CCDC57: variants seen among roughly 807,000 people sequenced by gnomAD.
CCDC57 encodes coiled-coil domain-containing protein 57.
Under a neutral mutation model 118.9 loss-of-function variants are expected in CCDC57, and 118 were observed. That is an observed-to-expected ratio of 0.99 (90% CI 0.86 to 1.16). The LOEUF (loss-of-function observed/expected upper bound fraction) is 1.16. CCDC57 is among the 50% of genes most tolerant of loss of function. The pLI is 0.00. For synonymous variants in CCDC57, 527 were observed against 532.9 expected, an observed-to-expected ratio of 0.99 and a Z score of 0.15; for missense variants, 1,300 against 1,320.7, an observed-to-expected ratio of 0.98 and a Z score of 0.24.
At chr17:82,156,894 C>A (rs1022943207) in intron 15 of CCDC57, 4 of 152,364 alleles carry the variant, frequency 2.6e-5, no homozygotes, top group African/African-American at 9.7e-5. Context: ...ATCTGCTCCC[C>A]AAGCACGGTG....
chr17:82,181,345 A>G (rs530150690), intron 9 of CCDC57, among the ~76,000 whole-genome samples: 2 of 152,370 alleles, frequency 1.3e-5, no homozygotes, highest in Non-Finnish European at 2.9e-5. Context: ...CAGGGCACGC[A>G]GTGGGGTCTG....
intron 9 of CCDC57, among the ~76,000 whole-genome samples, chr17:82,182,409 A>G (rs1176056736): frequency 6.6e-6 from 1 of 151,164 alleles, no homozygotes; most frequent in Non-Finnish European, 1.5e-5. Flanking sequence ...GCTGAAGTGC[A>G]GTAGCACCAT....
At chr17:82,152,998 G>C (rs2042243729) in intron 15 of CCDC57, among the ~76,000 whole-genome samples, 1 of 152,240 alleles carries the variant, frequency 6.6e-6, no homozygotes, top group South Asian at 2.1e-4. Flanking sequence ...GACGGGTGCA[G>C]GGCAGCCCCC....
chr17:82,121,382 G>A (rs1043740233), intron 19 of CCDC57, among the ~76,000 whole-genome samples: 32 of 152,204 alleles, frequency 2.1e-4, no homozygotes, highest in Non-Finnish European at 7.3e-5. Flanking sequence ...TGAGCTGCAG[G>A]CAGCAGGCTC....
chr17:82,110,596 C>T (rs780538077), intron 19 of CCDC57, among the ~76,000 whole-genome samples: 3 of 152,224 alleles, frequency 2.0e-5, no homozygotes, highest in Non-Finnish European at 4.4e-5. Flanking sequence ...TACCAGGCCA[C>T]AGAGCAAGTC....
At chr17:82,180,329 C>G (rs2146427089) in intron 9 of CCDC57, among the ~76,000 whole-genome samples, 1 of 152,308 alleles carries the variant, frequency 6.6e-6, no homozygotes, top group East Asian at 1.9e-4. Context: ...ATCATTGATT[C>G]CAGCCTGGAG....
chr17:82,126,424 G>A (rs867591113), intron 19 of CCDC57: 91 of 982,910 alleles, frequency 9.3e-5, no homozygotes, highest in Middle Eastern at 1.0e-3. Context: ...TGTTGTCACC[G>A]AAAAGGCCTA....
chr17:82,138,117 G>GCTA (rs2039477557), intron 16 of CCDC57, among the ~76,000 whole-genome samples: 1 of 149,510 alleles, frequency 6.7e-6, no homozygotes, highest in Admixed American at 6.7e-5. Context: ...TGTGGTCCCA[G>GCTA]CTACTTGGGA....
chr17:82,125,366 C>T (rs1281908407), intron 19 of CCDC57, among the ~76,000 whole-genome samples: 1 of 150,820 alleles, frequency 6.6e-6, no homozygotes, highest in African/African-American at 2.4e-5. Context: ...AGGGAGACAC[C>T]ATCTCTACTA....
At chr17:82,144,815 G>A (rs984787892) in intron 16 of CCDC57, among the ~76,000 whole-genome samples, 8 of 152,088 alleles carry the variant, frequency 5.3e-5, no homozygotes, top group Admixed American at 1.3e-4. Context: ...ACAACAAAGC[G>A]AGATCCCTAA....
intron 16 of CCDC57, among the ~76,000 whole-genome samples, chr17:82,142,994 G>A (rs781531599): frequency 4.9e-4 from 74 of 152,132 alleles, no homozygotes; most frequent in African/African-American, 1.2e-3. Flanking sequence ...GAGAAACCCC[G>A]TCTCTACTAA....
intron 5 of CCDC57, 21 bp downstream of exon 4, chr17:82,195,241 AC>A: frequency 5.2e-6 from 8 of 1,552,680 alleles, no homozygotes; most frequent in Non-Finnish European, 7.0e-6. Flanking sequence ...AACCTTCACG[AC>A]CCAAGGGTGC....
At chr17:82,127,440 T>C (rs2037637999) in intron 19 of CCDC57, 4 of 957,664 alleles carry the variant, frequency 4.2e-6, no homozygotes, top group Non-Finnish European at 4.9e-6. Context: ...TCTAAGTCAG[T>C]GTGCGCCCGG....
chr17:82,105,764 G>A (rs919613394), intron 19 of CCDC57, among the ~76,000 whole-genome samples: 1 of 152,176 alleles, frequency 6.6e-6, no homozygotes, highest in African/African-American at 2.4e-5. Flanking sequence ...GGGACACTCC[G>A]GGCCTGCTAT....
intron 9 of CCDC57, among the ~76,000 whole-genome samples, chr17:82,181,694 G>T (rs2046226213): frequency 6.6e-6 from 1 of 152,198 alleles, no homozygotes; most frequent in African/African-American, 2.4e-5. Context: ...TAAGTTCAGA[G>T]ATTTAAAGGC....
intron 14 of CCDC57, among the ~76,000 whole-genome samples, chr17:82,161,773 C>T (rs2043363503): frequency 6.6e-6 from 1 of 152,096 alleles, no homozygotes; most frequent in African/African-American, 2.4e-5. Flanking sequence ...GGTTATTGTA[C>T]CGAGCTTCTA....
At chr17:82,143,150 CAA>C (rs11324139) in intron 16 of CCDC57, among the ~76,000 whole-genome samples, 61 of 141,760 alleles carry the variant, frequency 4.3e-4, no homozygotes, top group Admixed American at 7.7e-4. Context: ...GAAACTCCGT[CAA>C]AAAAAAAAAA....
chr17:82,107,139 A>G (rs1190680407), intron 19 of CCDC57, among the ~76,000 whole-genome samples: 1 of 152,238 alleles, frequency 6.6e-6, no homozygotes, highest in Non-Finnish European at 1.5e-5. Context: ...CGACCTGCTC[A>G]GGACACTGAG....
chr17:82,102,049 G>A (rs1261415250), intron 19 of CCDC57, among the ~76,000 whole-genome samples, 183 bp from the exon 19 acceptor site: 1 of 152,266 alleles, frequency 6.6e-6, no homozygotes, highest in East Asian at 1.9e-4. Context: ...TGACCAGAGA[G>A]CTGTGGCCTC....
Sources: allele counts gnomAD v4.1 joint callset (sites outside exome capture counted in the v4.1 genomes callset), GRCh38; gene constraint gnomAD v4.1.1; transcripts MANE v1.5; gene names NCBI Gene and HGNC (gene_info 2026-07-23, HGNC 2026-07-21).